EIF4A1: variants seen among roughly 807,000 people sequenced by gnomAD.
EIF4A1 encodes eukaryotic translation initiation factor 4A1.
EIF4A1 carries 11 observed loss-of-function variants against 53.5 expected under a neutral mutation model. That is an observed-to-expected ratio of 0.21 (90% CI 0.13 to 0.34). The LOEUF is 0.34. Among genes scored for constraint, EIF4A1 ranks in the 10% least tolerant of loss-of-function variants. EIF4A1 has a pLI of 1.00. For synonymous variants in EIF4A1, 237 were observed against 186.7 expected (o/e 1.27, Z -2.20); for missense variants, 213 against 530.8 (o/e 0.40, Z 5.88).
chr17:7,577,837 T>C lies in EIF4A1; in HGVS notation c.917T>C (p.Met306Thr), dbSNP rs752935351. The change falls in exon 9 of 11, where the codon ATG (methionine) becomes ACG (threonine). Residue 306 changes from methionine (M) to threonine (T), a missense_variant. Around this residue, in one of 4 missense-constraint regions of EIF4A1, gnomAD observed 13 missense variants for 103.3 expected, o/e 0.13. Transcript: ENST00000293831. This position sits in a 1 kb window ranked among gnomAD's most constrained non-coding sequence, Gnocchi z 4.7. ...DFTVSAMHGD[M>T]DQKERDVIMR... ...TGTTTTCTCTTCCAGCATGGAGATATGGACCAAAAGGAACGAGACGTGATT... is the reference window on the plus strand; with the variant it reads ...TGTTTTCTCTTCCAGCATGGAGATACGGACCAAAAGGAACGAGACGTGATT... 5.0e-6 allele frequency: 8 copies of C among 1,614,196 alleles called. No individual in the cohort carries two copies. The highest frequency in any genetic ancestry group is 6.8e-6 in the Non-Finnish European group (8 of 1,180,042).
intron 4 of EIF4A1, chr17:7,575,769 T>G (rs1354607903): frequency 4.1e-6 from 1 of 241,682 alleles, no homozygotes; most frequent in Admixed American, 5.0e-5. Context: ...ACAGCAGAGC[T>G]CCATTCTAAG....
intron 1 of EIF4A1, chr17:7,573,345 A>C (rs940698596): frequency 4.9e-6 from 1 of 205,940 alleles, no homozygotes; most frequent in Non-Finnish European, 1.0e-5. Flanking sequence ...CGGCTAAAAC[A>C]CGGGTCGGGG....
chr17:7,575,801 C>T (rs146293993), intron 4 of EIF4A1: 2 of 220,484 alleles, frequency 9.1e-6, no homozygotes, highest in African/African-American at 4.5e-5. Flanking sequence ...TCAGTTTTCT[C>T]AGAGTGAACA....
At chr17:7,576,432 T>C in intron 4 of EIF4A1, 92 bp from the exon 5 acceptor site, 1 of 1,461,164 alleles carries the variant, frequency 6.8e-7, no homozygotes, top group Non-Finnish European at 9.1e-7. Context: ...GCCCCAAAGT[T>C]GTTGGTTAGG....
At chr17:7,574,919 G>C in intron 3 of EIF4A1, 200 bp from the exon 4 acceptor site, 2 of 1,004,864 alleles carry the variant, frequency 2.0e-6, no homozygotes, top group Non-Finnish European at 3.1e-6. Context: ...GTCCAGCTTG[G>C]TGTGCAATAC....
rs1567734636 is a variant in EIF4A1, at chr17:7,576,676, T to A, written c.498T>A (p.Leu166=). 1.9e-6 allele frequency: 3 copies of A among 1,608,354 alleles called. No individual in the cohort carries two copies. The highest frequency in any genetic ancestry group is 1.7e-6 in the Non-Finnish European group (2 of 1,177,026). The stretch of plus-strand genomic sequence containing the variant: ...CCCCTGGCCGTGTGTTTGATATGCT[T>A]AACCGGAGATACCTGTGTGAGTAAT... ...VGTPGRVFDM[L]NRRYLSPKYI... The change falls in exon 5 of 11, where the codon CTT becomes CTA. Residue 166 remains leucine, a synonymous_variant. Coordinates refer to ENST00000293831, the MANE Select transcript of EIF4A1 (RefSeq NM_001416.4).
In EIF4A1 at chr17:7,578,224, C is replaced by T. The variant is rs748959499; in HGVS notation, c.1056C>T (p.Asn352=). ...SLVINYDLPT[N]RENYIHRIGR... is the part of the protein sequence containing the mutation. ...TCATCAACTATGACCTTCCCACCAA[C>T]AGGGAAAACTATATCCACAGGTAAG... Residue 352 remains asparagine (N), a synonymous_variant, in exon 10 of 11, where the codon AAC becomes AAT. Coordinates refer to ENST00000293831, the MANE Select transcript of EIF4A1 (RefSeq NM_001416.4). The T allele has an allele frequency of 1.3e-5, 21 of 1,614,078 alleles. No homozygotes were observed. Among genetic ancestry groups the T allele is most frequent in the Non-Finnish European group, 1.8e-5 (21 of 1,180,040 alleles).
In EIF4A1 at chr17:7,573,064, C is replaced by T. The variant is rs950438404; in HGVS notation, c.23+200C>T. ...GTCGAGGCGGAGGGTAGGGACAGCC[C>T]GGCTAGGGTCAGGCGTGCGAGGTCT... On this transcript the variant is annotated intron_variant, in intron 1 of 10. Transcript: ENST00000293831. 2.9e-4 allele frequency among the ~76,000 whole-genome samples: 44 copies of T among 152,112 alleles called. 1 individual carries two copies. The highest frequency in any genetic ancestry group is 2.7e-3 in the Admixed American group (41 of 15,276).
At chr17:7,576,252 G>T in intron 4 of EIF4A1, 1 of 337,452 alleles carries the variant, frequency 3.0e-6, no homozygotes, top group Non-Finnish European at 5.3e-6. Context: ...TAAATATCTA[G>T]AGTAAAGAAA....
At position 7,578,333 on chromosome 17, in the gene EIF4A1, G is replaced by T. The variant is rs2071431664; in HGVS notation, c.1077-9G>T. The T allele has an allele frequency of 1.2e-6, 2 of 1,612,556 alleles. No homozygotes were observed. Among genetic ancestry groups the T allele is most frequent in the Non-Finnish European group, 1.7e-6 (2 of 1,179,064 alleles). On this transcript the variant is annotated splice_polypyrimidine_tract_variant and intron_variant, in intron 10 of 10. Transcript: ENST00000293831. ...CCTGATATTCCTCATCCCCTTCCTT[G>T]TTTTCCAGAATCGGTCGAGGTGGAC...
intron 1 of EIF4A1, chr17:7,573,258 C>T (rs2071349408): frequency 5.5e-6 from 2 of 364,648 alleles, no homozygotes; most frequent in Non-Finnish European, 5.1e-6. Context: ...GGACGGCGCG[C>T]GGGGTTCCGG....
intron 1 of EIF4A1, chr17:7,573,235 T>G: frequency 5.1e-6 from 2 of 393,692 alleles, no homozygotes; most frequent in Non-Finnish European, 9.3e-6. Context: ...GTTGCCTCCC[T>G]GTGCCGGGGG....
chr17:7,577,496 C>T lies in EIF4A1; in HGVS notation c.768+9C>T, dbSNP rs764817232. ...TCAACGTGGAACGAGAGGTGGGGCCCAGTGCAGGAGGCGGGCCTGGTAGTG... is the reference window on the plus strand; with the variant it reads ...TCAACGTGGAACGAGAGGTGGGGCCTAGTGCAGGAGGCGGGCCTGGTAGTG... On this transcript the variant is annotated intron_variant, in intron 7 of 10. Coordinates refer to ENST00000293831, the MANE Select transcript of EIF4A1 (RefSeq NM_001416.4). The surrounding 1 kb of genome is among the most constrained non-coding windows in gnomAD (Gnocchi z 4.7). 1.1e-5 allele frequency: 17 copies of T among 1,614,010 alleles called. No individual in the cohort carries two copies. The highest frequency in any genetic ancestry group is 8.9e-5 in the East Asian group (4 of 44,880).
rs2071438494 is a variant in EIF4A1, at chr17:7,578,778, G to C, written c.*292G>C. 1 of 234,558 alleles carries C rather than the reference G, an allele frequency of 4.3e-6. No homozygotes were observed. The highest frequency in any genetic ancestry group is 2.3e-5 in the African/African-American group (1 of 43,622). The allele number at this position is 234,558 out of a possible 1,614,324, so 14.5% of individuals were successfully genotyped here. A position where few individuals can be genotyped will look rare whatever the true frequency, so the allele number is the denominator to read the frequency against. ...CCCAGAGGCTCTCCTCACCTCAGCT[G>C]AGCTCCTTTGAAAGTGATTCAAGGG... On this transcript the variant is annotated 3_prime_UTR_variant, in exon 11 of 11. Coordinates refer to ENST00000293831, the MANE Select transcript of EIF4A1 (RefSeq NM_001416.4).
At position 7,576,634 on chromosome 17, in the gene EIF4A1, C is replaced by T. The variant is rs775035263; in HGVS notation, c.456C>T (p.Pro152=). The T allele has an allele frequency of 5.0e-6, 8 of 1,613,966 alleles. No homozygotes were observed. The Admixed American group carries it at 1.3e-4, about 27-fold the overall frequency. The change falls in exon 5 of 11, where the codon CCC becomes CCT. Residue 152 remains proline, a synonymous_variant. Coordinates refer to ENST00000293831, the MANE Select transcript of EIF4A1 (RefSeq NM_001416.4). The part of the protein sequence containing the change: ...AEVQKLQMEA[P]HIIVGTPGRV... ...TGCAGAAACTGCAGATGGAAGCTCC[C>T]CACATCATCGTGGGTACCCCTGGCC...
chr17:7,577,519 G>A lies in EIF4A1; in HGVS notation c.768+32G>A. On this transcript the variant is annotated intron_variant, in intron 7 of 10. Transcript: ENST00000293831. The surrounding 1 kb of genome is among the most constrained non-coding windows in gnomAD (Gnocchi z 4.7). ...CCCAGTGCAGGAGGCGGGCCTGGTA[G>A]TGAGTTGTTGGGTATAGCCCCTGAC... The A allele has an allele frequency of 6.2e-7, 1 of 1,613,724 alleles. No homozygotes were observed. The highest frequency in any genetic ancestry group is 8.5e-7 in the Non-Finnish European group (1 of 1,179,762).
chr17:7,578,550 G>C lies in EIF4A1; in HGVS notation c.*64G>C. On this transcript the variant is annotated 3_prime_UTR_variant, in exon 11 of 11. Transcript: ENST00000293831. ...CTCTGGGGGCTGAGGAGCAGCAGGA[G>C]GGGGGAGGGAAGGGAGCCAAGGGAT... The C allele has an allele frequency of 6.7e-7, 1 of 1,483,680 alleles. No homozygotes were observed. Among genetic ancestry groups the C allele is most frequent in the South Asian group, 1.4e-5 (1 of 70,734 alleles). 91.9% of individuals were successfully genotyped at this position (1,483,680 alleles called of 1,614,324 possible).
chr17:7,578,322 TC>T lies in EIF4A1; in HGVS notation c.1077-16del. 1 of 1,612,856 alleles carries T rather than the reference TC, an allele frequency of 6.2e-7. No individual in the cohort carries two copies. The highest frequency in any genetic ancestry group is 8.5e-7 in the Non-Finnish European group (1 of 1,179,214). ...GGCTTAAAGCTCCTGATATTCCTCA[TC>T]CCCTTCCTTGTTTTCCAGAATCGGT... On this transcript the variant is annotated intron_variant, in intron 10 of 10. Coordinates refer to ENST00000293831, the MANE Select transcript of EIF4A1 (RefSeq NM_001416.4).
intron 3 of EIF4A1, 79 bp downstream of exon 3, chr17:7,574,757 C>G (rs752663446): frequency 6.3e-7 from 1 of 1,599,556 alleles, no homozygotes; most frequent in Non-Finnish European, 8.5e-7. Flanking sequence ...TGATGCCCAT[C>G]TCATATCAGC....
Sources: allele counts gnomAD v4.1 joint callset (sites outside exome capture counted in the v4.1 genomes callset), GRCh38; gene constraint gnomAD v4.1.1; regional missense constraint gnomAD v4.1.1; non-coding constraint Gnocchi (gnomAD v3.1); transcripts MANE v1.5; gene names NCBI Gene and HGNC (gene_info 2026-07-23, HGNC 2026-07-21).